Variants in KIF3A observed in about 807,000 individuals in gnomAD.
The protein encoded by KIF3A is kinesin family member 3A.
A neutral mutation model predicts 92.6 loss-of-function variants in KIF3A; 27 were observed. The observed-to-expected ratio is 0.29, with a 90% confidence interval of 0.21 to 0.40. The LOEUF (loss-of-function observed/expected upper bound fraction) is 0.40, where lower values mean the gene tolerates loss of function less well. KIF3A is among the 10% of genes least tolerant of loss of function. KIF3A has a pLI of 1.00. For missense variants in KIF3A, 581 were observed against 872.6 expected (o/e 0.67, Z 4.21); for synonymous variants, 250 against 275.4 (o/e 0.91, Z 0.92).
At chr5:132,714,042 G>A (rs1005259390) in intron 8 of KIF3A, among the ~76,000 whole-genome samples, 1 of 151,746 alleles carries the variant, frequency 6.6e-6, no homozygotes, top group African/African-American at 2.4e-5. Flanking sequence ...GATTACAGGC[G>A]AGAGCCACCA....
intron 8 of KIF3A, among the ~76,000 whole-genome samples, chr5:132,713,183 C>T (rs1753489701): frequency 6.6e-6 from 1 of 151,970 alleles, no homozygotes; most frequent in African/African-American, 2.4e-5. Flanking sequence ...ACAACAACAA[C>T]AACAACAACA....
In KIF3A at chr5:132,706,473, G is replaced by T; in HGVS notation, c.1301-14C>A. The T allele has an allele frequency of 6.5e-7, 1 of 1,540,544 alleles. No individual in the cohort carries two copies. Among genetic ancestry groups the T allele is most frequent in the Non-Finnish European group, 8.7e-7 (1 of 1,142,934 alleles). On this transcript the variant is annotated splice_polypyrimidine_tract_variant and intron_variant, in intron 10 of 18. Coordinates refer to ENST00000403231, the MANE Select transcript of KIF3A (RefSeq NM_001300791.2). ...AACCTGCTTGATCTTGCAATAAGAA[G>T]TAGTAAGCAAATCGCAGACAGGAAG... is the stretch of plus-strand genomic sequence containing the variant.
intron 4 of KIF3A, among the ~76,000 whole-genome samples, chr5:132,722,564 T>C (rs1231492554): frequency 6.6e-6 from 1 of 152,218 alleles, no homozygotes; most frequent in Admixed American, 6.5e-5. Flanking sequence ...TTGAATGTCC[T>C]ACCAGATATT....
chr5:132,713,727 A>G (rs567271132), intron 8 of KIF3A, among the ~76,000 whole-genome samples: 3 of 152,134 alleles, frequency 2.0e-5, no homozygotes, highest in African/African-American at 7.2e-5. Context: ...CCAACTGTCC[A>G]TTGGTGGATG....
At chr5:132,732,000 G>T (rs1754248485) in intron 2 of KIF3A, among the ~76,000 whole-genome samples, 1 of 152,084 alleles carries the variant, frequency 6.6e-6, no homozygotes, top group Non-Finnish European at 1.5e-5. Context: ...GAGCCACTGT[G>T]CCTGGCCAAC....
chr5:132,699,410 C>A, intron 17 of KIF3A, 115 bp from the exon 18 acceptor site: 1 of 982,700 alleles, frequency 1.0e-6, no homozygotes, highest in Non-Finnish European at 1.5e-6. Flanking sequence ...AAGCTAAAAC[C>A]AAAGAAATGT....
chr5:132,724,806 A>AATATAT (rs1167332306), intron 4 of KIF3A, among the ~76,000 whole-genome samples: 2 of 22,668 alleles, frequency 8.8e-5, no homozygotes, highest in Non-Finnish European at 1.6e-4. Context: ...AAAAAAAAAA[A>AATATAT]ATATATATAT....
rs775085316 is a variant in KIF3A at position 132,696,696 on chromosome 5, A to G, written c.2133-14T>C. Reference sequence around the variant, plus strand: ...GCAGAACGCTTTCTGTTTGGAGAAGAAAAAAAGCAATCATGAATGCTTTCC... The same window carrying G: ...GCAGAACGCTTTCTGTTTGGAGAAGGAAAAAAGCAATCATGAATGCTTTCC... On this transcript the variant is annotated splice_polypyrimidine_tract_variant and intron_variant, in intron 18 of 18. Transcript: ENST00000403231. The G allele has an allele frequency of 1.3e-5, 21 of 1,595,674 alleles. 1 individual carries two copies. In the East Asian group the frequency reaches 3.6e-4, roughly 27 times the overall value.
chr5:132,700,298 A>C lies in KIF3A; in HGVS notation c.1939-14T>G. ...AGCAACACATTTCTCAAAAAAAGAA[A>C]AGGGAGAGACAGAGAAATGTCTTAA... On this transcript the variant is annotated splice_polypyrimidine_tract_variant and intron_variant, in intron 16 of 18. Coordinates refer to ENST00000403231, the MANE Select transcript of KIF3A (RefSeq NM_001300791.2). The C allele has an allele frequency of 6.5e-7, 1 of 1,531,860 alleles. No homozygotes were observed. Among genetic ancestry groups the C allele is most frequent in the East Asian group, 2.2e-5 (1 of 44,552 alleles). 94.9% of individuals were successfully genotyped at this position (1,531,860 alleles called of 1,614,324 possible).
chr5:132,728,959 C>T (rs965031663), intron 2 of KIF3A, among the ~76,000 whole-genome samples: 7 of 151,960 alleles, frequency 4.6e-5, no homozygotes, highest in Non-Finnish European at 1.0e-4. Flanking sequence ...TAAAAAGGAA[C>T]AAAATAATGG....
downstream of KIF3A, chr5:132,692,426 A>C: frequency 6.6e-6 from 1 of 152,252 alleles, no homozygotes; most frequent in East Asian, 1.9e-4. Context: ...TAAAAGTTTA[A>C]AGATGTAAAT....
chr5:132,691,912 GATAAATAAAATAAAATA>G (rs1439722221), downstream of KIF3A, among the ~76,000 whole-genome samples: 49 of 141,560 alleles, frequency 3.5e-4, no homozygotes, highest in Non-Finnish European at 1.4e-4. Flanking sequence ...CAAAAAATAA[GATAAATAAAATAAAATA>G]ATAAATAAAA....
At chr5:132,715,426 T>C (rs1753583686) in intron 8 of KIF3A, among the ~76,000 whole-genome samples, 1 of 152,168 alleles carries the variant, frequency 6.6e-6, no homozygotes, top group Non-Finnish European at 1.5e-5. Context: ...AGAATTCTGG[T>C]CATTTTCACC....
chr5:132,703,613 T>C lies in KIF3A; in HGVS notation c.1316A>G (p.Lys439Arg). The C allele has an allele frequency of 1.3e-6, 2 of 1,597,866 alleles. No homozygotes were observed. The highest frequency in any genetic ancestry group is 1.7e-6 in the Non-Finnish European group (2 of 1,173,560). ...DKFLPNQAGK[K>R]KVSPDKMIEM... is the part of the protein sequence containing the mutation. Reference sequence around the variant, plus strand: ...AATCATCTTGTCTGGGGAGACTTTCTTTTTTCCTATTTGAATCATTTAATT... The same window carrying C: ...AATCATCTTGTCTGGGGAGACTTTCCTTTTTCCTATTTGAATCATTTAATT... Residue 439 changes from lysine (K) to arginine (R), a missense_variant, in exon 12 of 19, where the codon AAG (lysine) becomes AGG (arginine). Transcript: ENST00000403231.
chr5:132,728,208 C>CT (rs892328505), intron 2 of KIF3A, among the ~76,000 whole-genome samples: 56 of 150,820 alleles, frequency 3.7e-4, no homozygotes, highest in African/African-American at 1.2e-3. Context: ...ACTTTACATG[C>CT]TTTTTTTTTA....
chr5:132,694,359 G>A lies in KIF3A; in HGVS notation c.*2275C>T, dbSNP rs953176577. 4 of 152,296 alleles carry A rather than the reference G, an allele frequency of 2.6e-5. No homozygotes were observed. The highest frequency in any genetic ancestry group is 1.9e-4 in the East Asian group (1 of 5,186). The allele number at this position is 152,296 out of a possible 1,614,324, so 9.4% of individuals were successfully genotyped here. Reference sequence around the variant, plus strand: ...ATTGTCCCACTGCACTCCAGCCTAGGTAATAGAGCCAGACTCCGTCTCCAA... The same window carrying A: ...ATTGTCCCACTGCACTCCAGCCTAGATAATAGAGCCAGACTCCGTCTCCAA... On this transcript the variant is annotated 3_prime_UTR_variant, in exon 19 of 19. Coordinates refer to ENST00000403231, the MANE Select transcript of KIF3A (RefSeq NM_001300791.2).
At chr5:132,733,610 C>CA in intron 2 of KIF3A, among the ~76,000 whole-genome samples, 1 of 152,132 alleles carries the variant, frequency 6.6e-6, no homozygotes, top group African/African-American at 2.4e-5. Context: ...TTTACAAAAA[C>CA]AAAAAAATGA....
chr5:132,708,891 AAG>A lies in KIF3A; in HGVS notation c.1300+14_1300+15del. 6.5e-7 allele frequency: 1 copy of A among 1,530,538 alleles called. No homozygotes were observed. The highest frequency in any genetic ancestry group is 2.0e-5 in the Admixed American group (1 of 50,966). The allele number at this position is 1,530,538 out of a possible 1,614,324, so 94.8% of individuals were successfully genotyped here. A position where few individuals can be genotyped will look rare whatever the true frequency, so the allele number is the denominator to read the frequency against. On this transcript the variant is annotated intron_variant, in intron 10 of 18. Transcript: ENST00000403231. ...AAGCCAAAGCTCTGTTAGAGAATGTAAGAGCTACCACTCACTAGGCAAGAACT... is the reference window on the plus strand; with the variant it reads ...AAGCCAAAGCTCTGTTAGAGAATGTAAGCTACCACTCACTAGGCAAGAACT...
intron 9 of KIF3A, among the ~76,000 whole-genome samples, 185 bp from the exon 10 acceptor site, chr5:132,709,163 C>T (rs752962254): frequency 1.1e-4 from 16 of 152,162 alleles, no homozygotes; most frequent in Non-Finnish European, 2.4e-4. Flanking sequence ...ATATTCTCTA[C>T]TTTACAAAGC....
Sources: gnomAD v4.1 joint callset for allele counts (sites outside exome capture counted in the v4.1 genomes callset) on GRCh38, gnomAD v4.1.1 for gene constraint, MANE v1.5 for transcripts, NCBI Gene and HGNC (gene_info 2026-07-23, HGNC 2026-07-21) for gene names.